The following ATP13A5 variants were observed in gnomAD, a reference collection of about 807,000 sequenced individuals.
ATP13A5 encodes ATPase 13A5.
A neutral mutation model predicts 150.2 loss-of-function variants in ATP13A5; 149 were observed. The observed-to-expected ratio is 0.99, with a 90% CI of 0.87 to 1.14. The LOEUF is 1.14. Ranked by LOEUF, ATP13A5 falls within the 50% of genes most tolerant of loss-of-function variation. ATP13A5 has a pLI of 0.00. For missense variants in ATP13A5, 1,383 were observed against 1,449.3 expected (o/e 0.95, Z 0.74); for synonymous variants, 497 against 522.2 (o/e 0.95, Z 0.66).
rs547804860 is a variant in ATP13A5 at position 193,297,868 on chromosome 3, A to G, written c.2848+1263T>C. On this transcript the variant is annotated intron_variant, in intron 25 of 29. Coordinates refer to ENST00000342358, the MANE Select transcript of ATP13A5 (RefSeq NM_198505.4). ...TGTCATATAGTAAGTCGGAGGCAAG[A>G]CTAGAACTAGGAAGATCATCCATGT... Among the ~76,000 whole-genome samples, 9 of 152,278 alleles carry G rather than the reference A, an allele frequency of 5.9e-5. No individual in the cohort carries two copies. The South Asian group carries it at 1.5e-3, about 25-fold the overall frequency.
intron 6 of ATP13A5, among the ~76,000 whole-genome samples, chr3:193,351,846 A>G (rs972256748): frequency 2.6e-5 from 4 of 152,206 alleles, no homozygotes; most frequent in African/African-American, 7.2e-5. Flanking sequence ...TCACTCATAC[A>G]TGTACATTTC....
chr3:193,345,117 G>A (rs6444706), intron 7 of ATP13A5, 42 bp from the exon 8 acceptor site: 1,485,719 of 1,565,186 alleles, frequency 0.95, 705,329 homozygotes, highest in Admixed American at 0.97. Flanking sequence ...GATAGTTCAT[G>A]TTCTGAAAAC....
chr3:193,309,598 A>G (rs897706017), intron 21 of ATP13A5, among the ~76,000 whole-genome samples: 1 of 152,184 alleles, frequency 6.6e-6, no homozygotes. Context: ...TGAGACTGGC[A>G]TATAAAAAAC....
At position 193,351,125 on chromosome 3, in the gene ATP13A5, A is replaced by C. The variant is rs1712546456; in HGVS notation, c.683T>G (p.Val228Gly). 1 of 1,613,848 alleles carries C rather than the reference A, an allele frequency of 6.2e-7. No individual in the cohort carries two copies. Among genetic ancestry groups the C allele is most frequent in the African/African-American group, 1.3e-5 (1 of 75,050 alleles). Residue 228 changes from valine (V) to glycine (G), a missense_variant, in exon 7 of 30, where the codon GTG (valine) becomes GGG (glycine). Around this residue, in one of 3 missense-constraint regions of ATP13A5, gnomAD observed 787 missense variants for 771.9 expected, o/e 1.02. Transcript: ENST00000342358. ...WLSQGYIEYS[V>G]AIIILTVISI... ...GATAACAGTCAAAATGATGATGGCC[A>C]CAGAGTATTCTATGTAACCTTGAGA...
intron 23 of ATP13A5, among the ~76,000 whole-genome samples, chr3:193,303,351 C>T (rs187295905): frequency 4.6e-5 from 7 of 152,310 alleles, no homozygotes; most frequent in Admixed American, 4.6e-4. Flanking sequence ...TTCTCACACT[C>T]AACTGCCAGA....
chr3:193,345,186 C>G, intron 7 of ATP13A5, 111 bp from the exon 8 acceptor site: 1 of 988,014 alleles, frequency 1.0e-6, no homozygotes, highest in East Asian at 2.5e-5. Flanking sequence ...TGACTCTGGG[C>G]AAAGGACTCA....
Position 193,322,551 on chromosome 3 carries a change from G to C in ATP13A5, c.1698C>G (p.Asp566Glu). Residue 566 changes from aspartate (D) to glutamate (E), a missense_variant, in exon 15 of 30, where the codon GAC becomes GAG. By Grantham distance (45) the Asp-to-Glu change is conservative. This residue lies in a region of ATP13A5 where 787 missense variants were observed against 771.9 expected (regional missense o/e 1.02). Coordinates refer to ENST00000342358, the MANE Select transcript of ATP13A5 (RefSeq NM_198505.4). ...AAACTGACGTCCCAAATTTGCAGGA[G>C]TCTACAATGCAATCTTCCATTTTCT... Reference protein sequence around the residue: ...TAWKMEDCIVDSCKFGTSVSN... With the variant: ...TAWKMEDCIVESCKFGTSVSN... 1 of 1,612,798 alleles carries C rather than the reference G, an allele frequency of 6.2e-7. No homozygotes were observed. Among genetic ancestry groups the C allele is most frequent in the Non-Finnish European group, 8.5e-7 (1 of 1,179,020 alleles).
chr3:193,312,906 C>G (rs1321797483), intron 19 of ATP13A5: 1 of 151,622 alleles, frequency 6.6e-6, no homozygotes, highest in Admixed American at 6.6e-5. Flanking sequence ...TTTGCTTGCA[C>G]TGGGAATGTG....
intron 15 of ATP13A5, among the ~76,000 whole-genome samples, chr3:193,322,061 T>G (rs963848709): frequency 1.3e-5 from 2 of 152,172 alleles, no homozygotes; most frequent in Non-Finnish European, 2.9e-5. Context: ...CCTAATCACC[T>G]TCCAGGCCAA....
chr3:193,303,680 G>A (rs1435635818), intron 23 of ATP13A5, among the ~76,000 whole-genome samples: 2 of 151,966 alleles, frequency 1.3e-5, no homozygotes, highest in Admixed American at 6.6e-5. Context: ...GTAGCAGCAC[G>A]TGATGCGAGA....
At chr3:193,375,980 A>G (rs949381115) in intron 1 of ATP13A5, among the ~76,000 whole-genome samples, 1 of 152,202 alleles carries the variant, frequency 6.6e-6, no homozygotes, top group Non-Finnish European at 1.5e-5. Flanking sequence ...GAAATAATGA[A>G]TGCGAGTAGA....
At chr3:193,337,976 T>C (rs185368771) in intron 9 of ATP13A5, among the ~76,000 whole-genome samples, 2 of 152,288 alleles carry the variant, frequency 1.3e-5, no homozygotes, top group African/African-American at 4.8e-5. Flanking sequence ...TCCTAGGTAT[T>C]TTATTCTCTT....
intron 5 of ATP13A5, 86 bp from the exon 6 acceptor site, chr3:193,354,282 C>A (rs1712690431): frequency 5.8e-6 from 7 of 1,207,096 alleles, no homozygotes; most frequent in Admixed American, 2.4e-5. Context: ...AGTCATTTTT[C>A]TACTCTTTGG....
intron 17 of ATP13A5, among the ~76,000 whole-genome samples, chr3:193,315,935 C>G (rs1719035905): frequency 6.6e-6 from 1 of 151,924 alleles, no homozygotes; most frequent in African/African-American, 2.4e-5. Flanking sequence ...AACTTTATAT[C>G]CATTAACAAC....
intron 9 of ATP13A5, among the ~76,000 whole-genome samples, chr3:193,340,777 A>G (rs768032028): frequency 1.3e-5 from 2 of 152,208 alleles, no homozygotes; most frequent in Non-Finnish European, 2.9e-5. Context: ...TTCTTCATAT[A>G]ACTTATAACT....
At chr3:193,355,211 C>T (rs1011103050) in intron 5 of ATP13A5, among the ~76,000 whole-genome samples, 1 of 152,076 alleles carries the variant, frequency 6.6e-6, no homozygotes, top group African/African-American at 2.4e-5. Context: ...AGATTACAAG[C>T]GTGAGCCAGC....
chr3:193,370,710 TTGA>T (rs1282374500), intron 1 of ATP13A5, among the ~76,000 whole-genome samples: 3 of 152,186 alleles, frequency 2.0e-5, no homozygotes, highest in African/African-American at 4.8e-5. Context: ...TTGAGTGTAT[TTGA>T]TGATAAAATC....
rs75449667 is a variant in ATP13A5 at position 193,282,998 on chromosome 3, G to C, written c.3226+1916C>G. On this transcript the variant is annotated intron_variant, in intron 27 of 29. Coordinates refer to ENST00000342358, the MANE Select transcript of ATP13A5 (RefSeq NM_198505.4). ...AATAAAACTTATTATAAAACTATAAGTTTTAAAGTATAGTGGTAAATCAAG... is the reference window on the plus strand; with the variant it reads ...AATAAAACTTATTATAAAACTATAACTTTTAAAGTATAGTGGTAAATCAAG... 1.5e-4 allele frequency among the ~76,000 whole-genome samples: 23 copies of C among 152,186 alleles called. No individual in the cohort carries two copies. The East Asian group carries it at 3.9e-3, about 26-fold the overall frequency.
At chr3:193,322,646 A>C in intron 14 of ATP13A5, 72 bp from the exon 15 acceptor site, 2 of 1,091,014 alleles carry the variant, frequency 1.8e-6, no homozygotes, top group Admixed American at 3.7e-5. Flanking sequence ...TCTTATTTGC[A>C]CAATACTTTA....
Sources: gnomAD v4.1 joint callset for allele counts (sites outside exome capture counted in the v4.1 genomes callset) on GRCh38, gnomAD v4.1.1 for gene constraint, gnomAD v4.1.1 regional missense constraint, MANE v1.5 for transcripts, NCBI Gene and HGNC (gene_info 2026-07-23, HGNC 2026-07-21) for gene names.